The following ADAMTS17 variants were observed in gnomAD, a reference collection of about 807,000 sequenced individuals.
ADAMTS17 encodes the protein A disintegrin and metalloproteinase with thrombospondin motifs 17.
ADAMTS17 carries 113 observed loss-of-function variants against 141.5 expected under a neutral mutation model. That is an observed-to-expected ratio of 0.80 (90% CI 0.69 to 0.93). The LOEUF (loss-of-function observed/expected upper bound fraction) is 0.93. Among genes scored for constraint, ADAMTS17 ranks in the 40% least tolerant of loss-of-function variants. The pLI, the probability that ADAMTS17 is intolerant of heterozygous loss-of-function variation, is 0.00. For missense variants in ADAMTS17, 1,659 were observed against 1,517.9 expected (o/e 1.09, Z -1.54); for synonymous variants, 768 against 630.6 (o/e 1.22, Z -3.27).
intron 3 of ADAMTS17, among the ~76,000 whole-genome samples, chr15:100,329,449 G>A (rs140187287): frequency 0.03 from 4,493 of 151,182 alleles, 102 homozygotes; most frequent in African/African-American, 0.05. Context: ...TCACCTGAGC[G>A]CAGGAGGTCA....
intron 4 of ADAMTS17, among the ~76,000 whole-genome samples, chr15:100,268,856 A>G (rs2043809064): frequency 6.6e-6 from 1 of 152,248 alleles, no homozygotes; most frequent in Admixed American, 6.5e-5. Flanking sequence ...AGCCAGAAGT[A>G]TCACATTACC....
chr15:100,055,720 C>T (rs2032509780), intron 15 of ADAMTS17, among the ~76,000 whole-genome samples: 1 of 152,188 alleles, frequency 6.6e-6, no homozygotes. Context: ...AATGTTGGGA[C>T]ACCCACAGTT....
rs1269571536 is a variant in ADAMTS17, at chr15:100,008,384, A to C, written c.2592-10795T>G. On this transcript the variant is annotated intron_variant, in intron 18 of 21. Coordinates refer to ENST00000268070, the MANE Select transcript of ADAMTS17 (RefSeq NM_139057.4). ...AGCCACTGAGAACAGGCTGCTGCAG[A>C]CACATGGGAATGGGACCCTGCCCAC... Among the ~76,000 whole-genome samples, 11 of 152,300 alleles carry C rather than the reference A, an allele frequency of 7.2e-5. No homozygotes were observed. The East Asian group carries it at 2.1e-3, about 29-fold the overall frequency.
At chr15:100,141,405 T>G (rs1054661492) in intron 10 of ADAMTS17, among the ~76,000 whole-genome samples, 1 of 152,132 alleles carries the variant, frequency 6.6e-6, no homozygotes, top group Non-Finnish European at 1.5e-5. Flanking sequence ...CGGCTCTAAC[T>G]CAAAATGATA....
intron 3 of ADAMTS17, among the ~76,000 whole-genome samples, chr15:100,313,654 T>C (rs2045472281): frequency 6.6e-6 from 1 of 152,266 alleles, no homozygotes; most frequent in African/African-American, 2.4e-5. Context: ...ACATACAGCA[T>C]GTGCCTCCTG....
chr15:100,213,545 A>C (rs1433055660), intron 7 of ADAMTS17, among the ~76,000 whole-genome samples: 2 of 152,176 alleles, frequency 1.3e-5, no homozygotes, highest in African/African-American at 4.8e-5. Flanking sequence ...AACAGAAAAG[A>C]GCTGTGTTAT....
At chr15:100,204,970 A>G (rs1442890322) in intron 7 of ADAMTS17, among the ~76,000 whole-genome samples, 2 of 152,060 alleles carry the variant, frequency 1.3e-5, no homozygotes, top group Non-Finnish European at 2.9e-5. Flanking sequence ...CTTGCAGGCT[A>G]ATTCAGTTTG....
chr15:100,274,813 TA>T lies in ADAMTS17; in HGVS notation c.789+6415del, dbSNP rs375271062. Among the ~76,000 whole-genome samples the T allele has an allele frequency of 3.3e-4, 50 of 151,394 alleles. 1 individual carries two copies. In the East Asian group the frequency reaches 5.2e-3, roughly 16 times the overall value. Reference sequence around the variant, plus strand: ...TGATTTTCTTTTATATGTATACATATATTTTTTTTTGGTAGTGAAACTTTTA... The same window carrying T: ...TGATTTTCTTTTATATGTATACATATTTTTTTTTTGGTAGTGAAACTTTTA... On this transcript the variant is annotated intron_variant, in intron 4 of 21. Coordinates refer to ENST00000268070, the MANE Select transcript of ADAMTS17 (RefSeq NM_139057.4).
At chr15:100,098,830 G>A (rs1000553851) in intron 14 of ADAMTS17, among the ~76,000 whole-genome samples, 1 of 152,090 alleles carries the variant, frequency 6.6e-6, no homozygotes, top group Non-Finnish European at 1.5e-5. Context: ...CTTCTGCTGG[G>A]GCCACAGGGC....
chr15:100,191,313 G>A (rs1337253140), intron 8 of ADAMTS17, among the ~76,000 whole-genome samples: 1 of 152,246 alleles, frequency 6.6e-6, no homozygotes, highest in East Asian at 1.9e-4. Context: ...CTCCACGGCT[G>A]GACTTCCTAC....
At chr15:100,232,834 A>T (rs1376552445) in intron 7 of ADAMTS17, among the ~76,000 whole-genome samples, 1 of 152,042 alleles carries the variant, frequency 6.6e-6, no homozygotes, top group Non-Finnish European at 1.5e-5. Flanking sequence ...TCTCGGTTGG[A>T]GGCGGCGCAG....
At chr15:100,161,198 G>A (rs998609006) in intron 8 of ADAMTS17, among the ~76,000 whole-genome samples, 2 of 152,164 alleles carry the variant, frequency 1.3e-5, no homozygotes, top group African/African-American at 4.8e-5. Flanking sequence ...ACACCGTGCG[G>A]CGAGTTCTGA....
chr15:100,199,575 G>A, intron 7 of ADAMTS17, 152 bp from the exon 8 acceptor site: 1 of 749,808 alleles, frequency 1.3e-6, no homozygotes, highest in African/African-American at 1.7e-5. Flanking sequence ...AAGGGTTTGT[G>A]TATGATGCTT....
chr15:100,045,802 C>G (rs2031636867), intron 18 of ADAMTS17, among the ~76,000 whole-genome samples: 1 of 152,178 alleles, frequency 6.6e-6, no homozygotes, highest in African/African-American at 2.4e-5. Context: ...GAGCTGTCAA[C>G]ATGGGTAATT....
intron 15 of ADAMTS17, among the ~76,000 whole-genome samples, chr15:100,073,305 A>C (rs2034118190): frequency 6.6e-6 from 1 of 152,236 alleles, no homozygotes; most frequent in Non-Finnish European, 1.5e-5. Context: ...ACACTTTTAC[A>C]CTGCTGGTAG....
chr15:100,151,115 A>C (rs1221211956), intron 10 of ADAMTS17, among the ~76,000 whole-genome samples: 1 of 152,062 alleles, frequency 6.6e-6, no homozygotes, highest in Non-Finnish European at 1.5e-5. Flanking sequence ...GGTGTCCTTC[A>C]ACCCTGCTGC....
intron 3 of ADAMTS17, among the ~76,000 whole-genome samples, chr15:100,305,104 A>C (rs1486204986): frequency 6.6e-6 from 1 of 152,128 alleles, no homozygotes; most frequent in Non-Finnish European, 1.5e-5. Context: ...GAAATTTTCA[A>C]CTGCATGTTG....
chr15:100,300,414 T>A (rs12438512), intron 3 of ADAMTS17, among the ~76,000 whole-genome samples: 3 of 151,982 alleles, frequency 2.0e-5, no homozygotes, highest in African/African-American at 7.2e-5. Context: ...GCCCAGAAAA[T>A]GCAGTCACCT....
intron 20 of ADAMTS17, among the ~76,000 whole-genome samples, chr15:99,977,381 TA>T (rs1567632326): frequency 0.033 from 901 of 27,538 alleles, 198 homozygotes; most frequent in Non-Finnish European, 0.043. Flanking sequence ...TATATATATA[TA>T]TATATATATA....
Sources: gnomAD v4.1 joint callset for allele counts (sites outside exome capture counted in the v4.1 genomes callset) on GRCh38, gnomAD v4.1.1 for gene constraint, MANE v1.5 for transcripts, NCBI Gene and HGNC (gene_info 2026-07-23, HGNC 2026-07-21) for gene names.